The following ADGRL3 variants were observed in gnomAD, a reference collection of about 807,000 sequenced individuals.
ADGRL3 encodes adhesion G protein-coupled receptor L3, also known as calcium-independent alpha-latrotoxin receptor 3.
ADGRL3 carries 62 observed loss-of-function variants against 153.5 expected under a neutral mutation model. That is an observed-to-expected ratio of 0.40 (90% confidence interval 0.33 to 0.50). The LOEUF is 0.50. ADGRL3 is among the 20% of genes least tolerant of loss of function. The probability of loss-of-function intolerance (pLI) is 0.47; values close to 1 mark genes in which losing one functional copy is unlikely to be tolerated. For missense variants in ADGRL3, 1,641 were observed against 1,859.4 expected (o/e 0.88, Z 2.16); for synonymous variants, 710 against 672.5 (o/e 1.06, Z -0.86).
chr4:61,234,285 G>A (rs1391679715), intron 1 of ADGRL3, among the ~76,000 whole-genome samples: 1 of 152,094 alleles, frequency 6.6e-6, no homozygotes, highest in Non-Finnish European at 1.5e-5. Context: ...GTGGTGGCAA[G>A]ATAAAATGAG....
At chr4:61,564,455 T>G (rs147984489) in intron 4 of ADGRL3, among the ~76,000 whole-genome samples, 1 of 152,230 alleles carries the variant, frequency 6.6e-6, no homozygotes, top group African/African-American at 2.4e-5. Flanking sequence ...CTGTATTTTT[T>G]GTAGAGATGG....
At chr4:61,336,875 T>A (rs1463818049) in intron 1 of ADGRL3, among the ~76,000 whole-genome samples, 1 of 150,168 alleles carries the variant, frequency 6.7e-6, no homozygotes, top group African/African-American at 2.5e-5. Context: ...TTTTTTTTTT[T>A]ACTAGCTTTG....
chr4:61,995,757 G>A (rs988458843), intron 19 of ADGRL3, among the ~76,000 whole-genome samples: 3 of 152,142 alleles, frequency 2.0e-5, no homozygotes, highest in Admixed American at 6.5e-5. Context: ...CCAGAAGTAT[G>A]AGCAGTAACA....
chr4:61,416,714 C>A (rs1453999418), intron 2 of ADGRL3, among the ~76,000 whole-genome samples: 1 of 151,988 alleles, frequency 6.6e-6, no homozygotes, highest in Non-Finnish European at 1.5e-5. Flanking sequence ...GGTGCCCAAC[C>A]TTTTTGGCAC....
intron 20 of ADGRL3, among the ~76,000 whole-genome samples, chr4:61,997,246 GA>G (rs770994492): frequency 0.016 from 1,174 of 71,754 alleles, 8 homozygotes; most frequent in African/African-American, 0.039. Context: ...TATTTCAACA[GA>G]AAAAAAAAAA....
rs1347885418 is a variant in ADGRL3 at position 62,071,304 on chromosome 4, A to G, written c.*396A>G. 1.1e-5 allele frequency: 2 copies of G among 176,458 alleles called. No homozygotes were observed. Among genetic ancestry groups the G allele is most frequent in the African/African-American group, 4.8e-5 (2 of 41,804 alleles). 10.9% of individuals were successfully genotyped at this position (176,458 alleles called of 1,614,324 possible). A position where few individuals can be genotyped will look rare whatever the true frequency, so the allele number is the denominator to read the frequency against. Reference sequence around the variant, plus strand: ...GCCAGAACAATTGTCTGAAATTAGTAACAATGCTGCATCTAGATTGGAGTG... The same window carrying G: ...GCCAGAACAATTGTCTGAAATTAGTGACAATGCTGCATCTAGATTGGAGTG... On this transcript the variant is annotated 3_prime_UTR_variant, in exon 27 of 27. Transcript: ENST00000683033.
intron 6 of ADGRL3, among the ~76,000 whole-genome samples, chr4:61,698,484 C>T (rs552491139): frequency 1.3e-5 from 2 of 151,950 alleles, no homozygotes; most frequent in South Asian, 4.1e-4. Context: ...ACAACAAAAA[C>T]AAATACAAAA....
chr4:61,279,878 A>G (rs2093645519), intron 1 of ADGRL3, among the ~76,000 whole-genome samples: 1 of 152,050 alleles, frequency 6.6e-6, no homozygotes, highest in Non-Finnish European at 1.5e-5. Context: ...CCTTTGGCCA[A>G]AGTTTCCCCG....
intron 2 of ADGRL3, among the ~76,000 whole-genome samples, chr4:61,467,137 C>A (rs938105202): frequency 2.0e-5 from 3 of 151,946 alleles, no homozygotes; most frequent in Non-Finnish European, 4.4e-5. Flanking sequence ...GCAGAAAGAA[C>A]AATTATGTAA....
chr4:61,856,483 T>A (rs1414417296), intron 9 of ADGRL3, among the ~76,000 whole-genome samples: 1 of 150,120 alleles, frequency 6.7e-6, no homozygotes, highest in Non-Finnish European at 1.5e-5. Flanking sequence ...TCTTTTTTAT[T>A]TTCTCCCTCA....
chr4:61,571,329 TAAAATAAAA>T (rs2098837777), intron 4 of ADGRL3, among the ~76,000 whole-genome samples: 1 of 133,212 alleles, frequency 7.5e-6, no homozygotes, highest in Non-Finnish European at 1.5e-5. Flanking sequence ...TAAAATAAAA[TAAAATAAAA>T]TAAAATAAAA....
chr4:61,459,186 T>C (rs1469611914), intron 2 of ADGRL3, among the ~76,000 whole-genome samples: 9 of 151,826 alleles, frequency 5.9e-5, no homozygotes, highest in Admixed American at 5.9e-4. Flanking sequence ...TCCATTCATT[T>C]GCTATTTAAT....
chr4:61,339,244 T>C (rs918253688), intron 1 of ADGRL3, among the ~76,000 whole-genome samples: 5 of 152,170 alleles, frequency 3.3e-5, no homozygotes, highest in African/African-American at 7.2e-5. Context: ...AACAACCCCG[T>C]AACACAATGC....
intron 9 of ADGRL3, among the ~76,000 whole-genome samples, chr4:61,865,959 A>G (rs2098395990): frequency 6.6e-6 from 1 of 152,190 alleles, no homozygotes. Context: ...GTATTACCCC[A>G]TTGAGGAAAG....
At chr4:62,068,812 T>A (rs1744368677) in intron 26 of ADGRL3, among the ~76,000 whole-genome samples, 1 of 152,196 alleles carries the variant, frequency 6.6e-6, no homozygotes, top group Admixed American at 6.5e-5. Flanking sequence ...TTGCTAATTT[T>A]GAAAACTGTC....
At chr4:61,450,283 A>C (rs1284339267) in intron 2 of ADGRL3, among the ~76,000 whole-genome samples, 1 of 152,222 alleles carries the variant, frequency 6.6e-6, no homozygotes, top group Non-Finnish European at 1.5e-5. Flanking sequence ...TGAAATTATA[A>C]GACCAAAATA....
rs1012481910 is a variant in ADGRL3, at chr4:61,637,534, C to T, written c.474-39292C>T. 5.9e-5 allele frequency among the ~76,000 whole-genome samples: 9 copies of T among 152,172 alleles called. No individual in the cohort carries two copies. The East Asian group carries it at 9.7e-4, about 16-fold the overall frequency. On this transcript the variant is annotated intron_variant, in intron 5 of 26. Transcript: ENST00000683033. The stretch of plus-strand genomic sequence containing the variant: ...ATCCCAGCACTTTGAGAAGCTAAGG[C>T]GGGCAGATCACTGGAGGTTAGGAGT...
intron 9 of ADGRL3, among the ~76,000 whole-genome samples, chr4:61,889,833 G>T (rs141774199): frequency 1.3e-5 from 2 of 152,168 alleles, no homozygotes; most frequent in South Asian, 4.1e-4. Flanking sequence ...CTTGCACTAC[G>T]TGTGTAACTG....
At chr4:61,962,739 T>G (rs1345257183) in intron 17 of ADGRL3, among the ~76,000 whole-genome samples, 2 of 152,208 alleles carry the variant, frequency 1.3e-5, no homozygotes, top group African/African-American at 4.8e-5. Flanking sequence ...AAAAGTTACA[T>G]TGTACAGAAA....
Sources: allele counts gnomAD v4.1 joint callset (sites outside exome capture counted in the v4.1 genomes callset), GRCh38; gene constraint gnomAD v4.1.1; transcripts MANE v1.5; gene names NCBI Gene and HGNC (gene_info 2026-07-23, HGNC 2026-07-21).